NOM1: variants seen among roughly 807,000 people sequenced by gnomAD.
NOM1 encodes the protein nucleolar protein with MIF4G domain 1, also known as nucleolar MIF4G domain-containing protein 1.
Under a neutral mutation model 73.3 loss-of-function variants are expected in NOM1, and 58 were observed. The ratio of observed to expected loss-of-function variants is 0.79; its 90% confidence interval spans 0.64 to 0.99. The LOEUF (loss-of-function observed/expected upper bound fraction) is 0.99, where lower values mean the gene tolerates loss of function less well. Ranked by LOEUF, NOM1 falls within the 50% of genes least tolerant of loss-of-function variation. NOM1 has a pLI of 0.00. For synonymous variants in NOM1, 487 were observed against 446.8 expected (o/e 1.09, Z -1.14); for missense variants, 1,226 against 1,131.9 (o/e 1.08, Z -1.19).
intron 10 of NOM1, 134 bp from the exon 11 acceptor site, chr7:156,969,395 A>T (rs1805083946): frequency 1.2e-6 from 1 of 821,864 alleles, no homozygotes; most frequent in African/African-American, 1.7e-5. Context: ...ATAATAAAAT[A>T]TGTTAAGAAG....
At chr7:156,959,169 C>T (rs1479799385) in intron 3 of NOM1, among the ~76,000 whole-genome samples, 2 of 151,368 alleles carry the variant, frequency 1.3e-5, no homozygotes, top group Non-Finnish European at 2.9e-5. Context: ...GTGGCGCAAT[C>T]TCAGCTCACT....
intron 7 of NOM1, chr7:156,964,239 C>A: frequency 3.0e-6 from 1 of 329,516 alleles, no homozygotes; most frequent in Non-Finnish European, 5.6e-6. Context: ...CTCATTAGAA[C>A]ATTTTATGAT....
intron 7 of NOM1, 147 bp from the exon 8 acceptor site, chr7:156,966,123 G>T: frequency 1.1e-6 from 1 of 903,060 alleles, no homozygotes; most frequent in South Asian, 1.6e-5. Flanking sequence ...TGGGCCCCTA[G>T]CTGGTGTCTG....
chr7:156,972,867 A>G lies in NOM1; in HGVS notation c.*3164A>G, dbSNP rs1586580664. 6.6e-6 allele frequency: 1 copy of G among 152,250 alleles called. No individual in the cohort carries two copies. The highest frequency in any genetic ancestry group is 1.5e-5 in the Non-Finnish European group (1 of 68,042). The allele number at this position is 152,250 out of a possible 1,614,324, so 9.4% of individuals were successfully genotyped here. A position where few individuals can be genotyped will look rare whatever the true frequency, so the allele number is the denominator to read the frequency against. ...ACCCAACATATATGGGCTGTTAGAT[A>G]GTAATTGTAATTTCGTATAAATAGT... On this transcript the variant is annotated 3_prime_UTR_variant, in exon 11 of 11. Transcript: ENST00000275820.
intron 5 of NOM1, 23 bp from the exon 6 acceptor site, chr7:156,962,985 A>G: frequency 1.2e-6 from 2 of 1,602,404 alleles, no homozygotes; most frequent in Non-Finnish European, 1.7e-6. Flanking sequence ...AAAGCATTTC[A>G]TTAGCTCTTC....
At chr7:156,966,520 C>T (rs1586575549) in intron 8 of NOM1, 118 bp downstream of exon 8, 5 of 1,205,962 alleles carry the variant, frequency 4.1e-6, no homozygotes, top group Non-Finnish European at 3.5e-6. Context: ...ATATCCCCGT[C>T]ACCTGGTCCA....
chr7:156,959,114 T>C (rs1455014768), intron 3 of NOM1, among the ~76,000 whole-genome samples: 1 of 152,196 alleles, frequency 6.6e-6, no homozygotes, highest in Admixed American at 6.5e-5. Flanking sequence ...AACTTTTTTT[T>C]TTTTTTTACA....
intron 9 of NOM1, among the ~76,000 whole-genome samples, chr7:156,967,963 G>A (rs1805042506): frequency 6.6e-6 from 1 of 152,100 alleles, no homozygotes; most frequent in Non-Finnish European, 1.5e-5. Flanking sequence ...AGCAGAGATA[G>A]TTGAGGGGCG....
Position 156,960,133 on chromosome 7 carries a change from A to G in NOM1, c.1591A>G (p.Lys531Glu). Residue 531 changes from lysine to glutamate, a missense_variant, in exon 4 of 11, where the codon AAA becomes GAA. Physicochemically the swap from Lys to Glu is moderately conservative, Grantham distance 56 (BLOSUM62 1). Coordinates refer to ENST00000275820, the MANE Select transcript of NOM1 (RefSeq NM_138400.2). ...GGAATTGATCACTGAAGCCCAGACCAAAGCCAGCGGGGCAGGCAGCGAGTT... is the reference window on the plus strand; with the variant it reads ...GGAATTGATCACTGAAGCCCAGACCGAAGCCAGCGGGGCAGGCAGCGAGTT... ...LKELITEAQT[K>E]ASGAGSEFQD... 1 of 1,613,866 alleles carries G rather than the reference A, an allele frequency of 6.2e-7. No homozygotes were observed. The highest frequency in any genetic ancestry group is 8.5e-7 in the Non-Finnish European group (1 of 1,179,960).
At chr7:156,962,880 T>G in intron 5 of NOM1, 128 bp from the exon 6 acceptor site, 3 of 1,022,896 alleles carry the variant, frequency 2.9e-6, no homozygotes, top group Non-Finnish European at 4.2e-6. Context: ...ACCGTCCCAA[T>G]TGCCAGTGAC....
At chr7:156,958,284 G>A (rs1009217834) in intron 3 of NOM1, among the ~76,000 whole-genome samples, 12 of 152,106 alleles carry the variant, frequency 7.9e-5, no homozygotes, top group African/African-American at 2.4e-4. Flanking sequence ...TGCCCCTCAC[G>A]TAGTTCCTGG....
At chr7:156,954,453 T>G (rs997119716) in intron 3 of NOM1, among the ~76,000 whole-genome samples, 155 bp downstream of exon 3, 1 of 152,014 alleles carries the variant, frequency 6.6e-6, no homozygotes, top group Non-Finnish European at 1.5e-5. Flanking sequence ...GTCATGTAGT[T>G]GTAAAGAGCA....
chr7:156,964,596 A>T (rs896769650), intron 7 of NOM1, among the ~76,000 whole-genome samples: 7 of 152,182 alleles, frequency 4.6e-5, no homozygotes, highest in African/African-American at 1.4e-4. Context: ...AGAAAAAAAA[A>T]ATCTTTAAAT....
chr7:156,971,727 T>G lies in NOM1; in HGVS notation c.*2024T>G, dbSNP rs1217377498. ...GTATCTGTGCATATCCCTAAACTAA[T>G]GGTTTAAGCTTTGAAGCATGCGCAA... On this transcript the variant is annotated 3_prime_UTR_variant, in exon 11 of 11. Coordinates refer to ENST00000275820, the MANE Select transcript of NOM1 (RefSeq NM_138400.2). 1.3e-5 allele frequency: 2 copies of G among 152,268 alleles called. No homozygotes were observed. Among genetic ancestry groups the G allele is most frequent in the Admixed American group, 6.5e-5 (1 of 15,286 alleles). The allele number at this position is 152,268 out of a possible 1,614,324, so 9.4% of individuals were successfully genotyped here.
At chr7:156,963,387 A>G (rs1211693742) in intron 6 of NOM1, 1 of 619,016 alleles carries the variant, frequency 1.6e-6, no homozygotes, top group Non-Finnish European at 2.8e-6. Flanking sequence ...ACTTTAAAAG[A>G]TCTAAAAGTT....
intron 3 of NOM1, among the ~76,000 whole-genome samples, chr7:156,955,788 CA>C (rs1804705680): frequency 6.6e-6 from 1 of 152,220 alleles, no homozygotes; most frequent in Non-Finnish European, 1.5e-5. Context: ...CTTTCTACTG[CA>C]ATGCTAGTCA....
chr7:156,960,411 C>T (rs950184587), intron 4 of NOM1, among the ~76,000 whole-genome samples: 4 of 152,174 alleles, frequency 2.6e-5, no homozygotes, highest in Non-Finnish European at 5.9e-5. Context: ...AAAATGCTTA[C>T]CGAGGAGGCC....
At chr7:156,951,696 G>A (rs1279604664) in intron 1 of NOM1, among the ~76,000 whole-genome samples, 4 of 152,204 alleles carry the variant, frequency 2.6e-5, no homozygotes, top group Non-Finnish European at 1.5e-5. Context: ...TTAGGAAATA[G>A]CAGTGAGTTG....
chr7:156,950,579 A>C lies in NOM1; in HGVS notation c.842A>C (p.Glu281Ala). The C allele has an allele frequency of 6.2e-7, 1 of 1,600,238 alleles. No individual in the cohort carries two copies. The change falls in exon 1 of 11, where the codon GAG (glutamate) becomes GCG (alanine). Residue 281 changes from glutamate (E) to alanine (A), a missense_variant. Transcript: ENST00000275820. ...KKAQEAEAQSEDDDEDTEEEQ... is the reference protein window; with the variant it reads ...KKAQEAEAQSADDDEDTEEEQ... ...GCGCAGGAAGCAGAAGCGCAGAGCGAGGACGACGACGAGGATACAGAAGAG... is the reference window on the plus strand; with the variant it reads ...GCGCAGGAAGCAGAAGCGCAGAGCGCGGACGACGACGAGGATACAGAAGAG...
Sources: allele counts gnomAD v4.1 joint callset (sites outside exome capture counted in the v4.1 genomes callset), GRCh38; gene constraint gnomAD v4.1.1; transcripts MANE v1.5; gene names NCBI Gene and HGNC (gene_info 2026-07-23, HGNC 2026-07-21).